DCAF1: variants seen among roughly 807,000 people sequenced by gnomAD.
DCAF1 encodes DDB1- and CUL4-associated factor 1.
DCAF1 carries 15 observed loss-of-function variants against 128.0 expected under a neutral mutation model. The ratio of observed to expected loss-of-function variants is 0.12; its 90% confidence interval spans 0.08 to 0.18. The LOEUF is 0.18. Ranked by LOEUF, DCAF1 falls within the 10% of genes least tolerant of loss-of-function variation. The pLI, the probability that DCAF1 is intolerant of heterozygous loss-of-function variation, is 1.00. For missense variants in DCAF1, 988 were observed against 1,649.5 expected, an observed-to-expected ratio of 0.60 and a Z score of 6.95; for synonymous variants, 610 against 603.0, an observed-to-expected ratio of 1.01 and a Z score of -0.17.
At chr3:51,446,963 A>AAATAATTAATAAT (rs1701915772) in intron 6 of DCAF1, among the ~76,000 whole-genome samples, 1 of 136,990 alleles carries the variant, frequency 7.3e-6, no homozygotes, top group Non-Finnish European at 1.5e-5. Flanking sequence ...TTTGTCTCAA[A>AAATAATTAATAAT]AATAATAATA....
rs1559488966 is a variant in DCAF1 at position 51,420,067 on chromosome 3, T to C, written c.2903A>G (p.Asn968Ser). The change falls in exon 15 of 25, where the codon AAT becomes AGT. Residue 968 changes from asparagine (N) to serine (S), a missense_variant. Physicochemically the swap from Asn to Ser is conservative, Grantham distance 46. Around this residue, in one of 11 missense-constraint regions of DCAF1, gnomAD observed 105 missense variants for 266.7 expected, o/e 0.39. Transcript: ENST00000684031. This position sits in a 1 kb window ranked among gnomAD's most constrained non-coding sequence, Gnocchi z 6.5. ...CCGCAACACTCTGATTTTCCTGCCA[T>C]TGCAGGGTGATGGCCTCTCTCTGAT... is the stretch of plus-strand genomic sequence containing the variant. ...SFIRERPSPCNGRKIRVLRQK... is the reference protein window; with the variant it reads ...SFIRERPSPCSGRKIRVLRQK... The C allele has an allele frequency of 2.5e-6, 4 of 1,614,072 alleles. No individual in the cohort carries two copies. The highest frequency in any genetic ancestry group is 3.4e-6 in the Non-Finnish European group (4 of 1,179,906).
chr3:51,462,365 G>C (rs977067399), intron 6 of DCAF1, among the ~76,000 whole-genome samples: 2 of 152,148 alleles, frequency 1.3e-5, no homozygotes, highest in South Asian at 4.1e-4. Context: ...GTTGCAGTGA[G>C]CTGAGACTGC....
intron 18 of DCAF1, among the ~76,000 whole-genome samples, 186 bp downstream of exon 18, chr3:51,416,601 T>G (rs1174656598): frequency 6.6e-6 from 1 of 152,208 alleles, no homozygotes; most frequent in Admixed American, 6.5e-5. Flanking sequence ...AATGTCACAT[T>G]TAGCCCTTAT....
intron 5 of DCAF1, among the ~76,000 whole-genome samples, chr3:51,464,179 T>C (rs1703898495): frequency 6.6e-6 from 1 of 152,008 alleles, no homozygotes; most frequent in South Asian, 2.1e-4. Flanking sequence ...TATACACTTT[T>C]TTAAAAGCAT....
intron 24 of DCAF1, among the ~76,000 whole-genome samples, chr3:51,399,389 A>G (rs1468058848): frequency 1.3e-5 from 2 of 152,254 alleles, no homozygotes; most frequent in African/African-American, 4.8e-5. Flanking sequence ...TTCAGAATAT[A>G]GTCTGCAAAT....
intron 1 of DCAF1, among the ~76,000 whole-genome samples, chr3:51,498,409 G>A (rs1708482095): frequency 6.6e-6 from 1 of 150,500 alleles, no homozygotes; most frequent in African/African-American, 2.4e-5. Flanking sequence ...TCACACCACT[G>A]CACTCCAGCC....
intron 13 of DCAF1, 88 bp from the exon 14 acceptor site, chr3:51,422,519 C>A: frequency 2.9e-6 from 2 of 692,246 alleles, no homozygotes; most frequent in Non-Finnish European, 2.7e-6. Flanking sequence ...GACAGATAGA[C>A]ACATACACAC....
chr3:51,451,151 T>C lies in DCAF1; in HGVS notation c.376-7248A>G, dbSNP rs1023968769. 9.3e-5 allele frequency among the ~76,000 whole-genome samples: 11 copies of C among 118,530 alleles called. No individual in the cohort carries two copies. In the Admixed American group the frequency reaches 1.3e-3, roughly 14 times the overall value. 77.8% of individuals were successfully genotyped at this position (118,530 alleles called of 152,430 possible). A position where few individuals can be genotyped will look rare whatever the true frequency, so the allele number is the denominator to read the frequency against. On this transcript the variant is annotated intron_variant, in intron 6 of 24. Transcript: ENST00000684031. ...TCACCCAGGCCGGAATGCAGTGACA[T>C]AATCATAACTCACTGCAACCTCGAA...
At chr3:51,446,191 C>T (rs369098230) in intron 6 of DCAF1, among the ~76,000 whole-genome samples, 57 of 152,102 alleles carry the variant, frequency 3.7e-4, no homozygotes, top group African/African-American at 1.3e-3. Flanking sequence ...GACGGGGTTT[C>T]ACCATGTTGG....
chr3:51,470,384 G>C (rs1178002601), intron 4 of DCAF1, among the ~76,000 whole-genome samples: 1 of 152,028 alleles, frequency 6.6e-6, no homozygotes, highest in Non-Finnish European at 1.5e-5. Flanking sequence ...AGCAAAGCAA[G>C]ACCCCATCTC....
At chr3:51,447,175 G>A (rs1467838554) in intron 6 of DCAF1, among the ~76,000 whole-genome samples, 1 of 151,950 alleles carries the variant, frequency 6.6e-6, no homozygotes, top group East Asian at 1.9e-4. Flanking sequence ...GCAAGGCCAA[G>A]GCGGGTGGAT....
At chr3:51,404,955 A>G (rs1443366454) in intron 23 of DCAF1, among the ~76,000 whole-genome samples, 1 of 152,226 alleles carries the variant, frequency 6.6e-6, no homozygotes, top group Admixed American at 6.5e-5. Flanking sequence ...GCTCATACAA[A>G]TAACTGGGAA....
upstream of DCAF1, chr3:51,500,040 C>A (rs1671843586): frequency 6.8e-6 from 1 of 147,342 alleles, no homozygotes; most frequent in Non-Finnish European, 1.5e-5. Context: ...CTACGTGCAC[C>A]GCGCGCGCGC....
chr3:51,448,786 A>C (rs1428497630), intron 6 of DCAF1, among the ~76,000 whole-genome samples: 2 of 152,214 alleles, frequency 1.3e-5, no homozygotes, highest in Admixed American at 6.5e-5. Context: ...GAAGATCAAT[A>C]AGGAAACAGA....
At position 51,476,078 on chromosome 3, in the gene DCAF1, T is replaced by C. The variant is rs556901800; in HGVS notation, c.111-5073A>G. ...AATTGTGGGGTTTTTTTCTTCTGTT[T>C]AGTCTTCTCATTTTCCAAGAGTAAT... On this transcript the variant is annotated intron_variant, in intron 3 of 24. Coordinates refer to ENST00000684031, the MANE Select transcript of DCAF1 (RefSeq NM_001387579.1). Among the ~76,000 whole-genome samples the C allele has an allele frequency of 3.3e-5, 5 of 152,096 alleles. No homozygotes were observed. The East Asian group carries it at 9.7e-4, about 30-fold the overall frequency.
chr3:51,406,919 C>T (rs1253698286), intron 23 of DCAF1, among the ~76,000 whole-genome samples: 3 of 152,184 alleles, frequency 2.0e-5, no homozygotes. Flanking sequence ...TTTGGCTGGG[C>T]GCAGTGGCTC....
At chr3:51,492,775 G>A (rs912093012) in intron 2 of DCAF1, among the ~76,000 whole-genome samples, 44 of 150,450 alleles carry the variant, frequency 2.9e-4, no homozygotes, top group Non-Finnish European at 5.8e-4. Flanking sequence ...CAGGCGGATC[G>A]CGAGGTCAGG....
chr3:51,462,315 A>G (rs1490373117), intron 6 of DCAF1, among the ~76,000 whole-genome samples: 1 of 152,138 alleles, frequency 6.6e-6, no homozygotes, highest in Non-Finnish European at 1.5e-5. Flanking sequence ...CCAGGTACCC[A>G]GGAGGCTGAG....
intron 24 of DCAF1, 64 bp downstream of exon 24, chr3:51,403,079 G>A: frequency 1.3e-6 from 2 of 1,536,182 alleles, no homozygotes; most frequent in Non-Finnish European, 1.8e-6. Flanking sequence ...AAGTTGTATG[G>A]GCACAAAAGA....
Sources: gnomAD v4.1 joint callset for allele counts (sites outside exome capture counted in the v4.1 genomes callset) on GRCh38, gnomAD v4.1.1 for gene constraint, gnomAD v4.1.1 regional missense constraint, Gnocchi (gnomAD v3.1) non-coding constraint, MANE v1.5 for transcripts, NCBI Gene and HGNC (gene_info 2026-07-23, HGNC 2026-07-21) for gene names.